The following CHN2 variants were observed in gnomAD, a reference collection of about 807,000 sequenced individuals.
CHN2 encodes chimerin 2, also known as beta-chimaerin.
A neutral mutation model predicts 56.3 loss-of-function variants in CHN2; 35 were observed. That is an observed-to-expected ratio of 0.62 (90% confidence interval 0.47 to 0.82). The LOEUF is 0.82. CHN2 is among the 40% of genes least tolerant of loss of function. The probability of loss-of-function intolerance (pLI) is 0.00; values close to 1 mark genes in which losing one functional copy is unlikely to be tolerated. For synonymous variants in CHN2, 210 were observed against 212.8 expected (o/e 0.99, Z 0.12); for missense variants, 491 against 580.5 (o/e 0.85, Z 1.58).
At chr7:29,275,887 G>A (rs1338907879) in intron 1 of CHN2, among the ~76,000 whole-genome samples, 3 of 152,164 alleles carry the variant, frequency 2.0e-5, no homozygotes, top group South Asian at 4.1e-4. Flanking sequence ...GTTGTGCTCT[G>A]CAGGTGACAG....
intron 1 of CHN2, among the ~76,000 whole-genome samples, chr7:29,325,015 C>A (rs1185032991): frequency 6.6e-6 from 1 of 152,192 alleles, no homozygotes; most frequent in Admixed American, 6.5e-5. Flanking sequence ...TTGTCTGCTT[C>A]ATTTTCTCTG....
At chr7:29,297,782 C>T (rs545230355) in intron 1 of CHN2, among the ~76,000 whole-genome samples, 11 of 151,788 alleles carry the variant, frequency 7.2e-5, no homozygotes, top group Non-Finnish European at 1.5e-4. Flanking sequence ...GGAGGATGCA[C>T]CCGAGGGGAA....
At chr7:29,249,294 G>A (rs1359298181) in intron 1 of CHN2, among the ~76,000 whole-genome samples, 1 of 152,150 alleles carries the variant, frequency 6.6e-6, no homozygotes, top group African/African-American at 2.4e-5. Flanking sequence ...TGTAAGTTCC[G>A]GAGTCCAAAA....
rs544890485 is a variant in CHN2, at chr7:29,269,707, C to T, written c.49+74717C>T. Among the ~76,000 whole-genome samples, 76 of 152,292 alleles carry T rather than the reference C, an allele frequency of 5.0e-4. 1 individual carries two copies. In the South Asian group the frequency reaches 0.011, roughly 21 times the overall value. The stretch of plus-strand genomic sequence containing the variant: ...AACTTTAGCATTTTAATCTTAAATT[C>T]TTTAGCAACCAGTTCATAAGAGGAG... On this transcript the variant is annotated intron_variant, in intron 1 of 12. Transcript: ENST00000222792.
chr7:29,298,271 T>G (rs966428759), intron 1 of CHN2, among the ~76,000 whole-genome samples: 2 of 152,216 alleles, frequency 1.3e-5, no homozygotes, highest in African/African-American at 4.8e-5. Context: ...TGCTCACTTG[T>G]GCTCTGTTAA....
chr7:29,309,850 G>A (rs1254231958), intron 1 of CHN2, among the ~76,000 whole-genome samples: 3 of 152,240 alleles, frequency 2.0e-5, no homozygotes, highest in Non-Finnish European at 4.4e-5. Flanking sequence ...GAGACCTCGC[G>A]GGCTCATGGG....
chr7:29,213,252 G>A, intron 1 of CHN2: 1 of 972,762 alleles, frequency 1.0e-6, no homozygotes. Flanking sequence ...TTTCACTCTG[G>A]GTAGTGGCTG....
intron 2 of CHN2, among the ~76,000 whole-genome samples, chr7:29,356,467 C>T (rs990457071): frequency 2.0e-5 from 3 of 152,216 alleles, no homozygotes; most frequent in African/African-American, 7.2e-5. Context: ...TTCCAGTCCA[C>T]TCTCTCCTTT....
At chr7:29,249,602 G>A (rs1257059502) in intron 1 of CHN2, among the ~76,000 whole-genome samples, 2 of 152,202 alleles carry the variant, frequency 1.3e-5, no homozygotes, top group African/African-American at 4.8e-5. Context: ...AACCCGCTAG[G>A]TTGTCCTGCG....
chr7:29,219,947 C>T (rs949834062), intron 1 of CHN2, among the ~76,000 whole-genome samples: 3 of 152,052 alleles, frequency 2.0e-5, no homozygotes, highest in African/African-American at 4.8e-5. Flanking sequence ...TGGTGGCACA[C>T]GCCTATAGTC....
At chr7:29,155,585 C>T (rs1411056654) in intron 2 of CHN2, among the ~76,000 whole-genome samples, 1 of 152,198 alleles carries the variant, frequency 6.6e-6, no homozygotes, top group Non-Finnish European at 1.5e-5. Flanking sequence ...CTCTCTGACA[C>T]CAAAACTGCC....
intron 1 of CHN2, among the ~76,000 whole-genome samples, chr7:29,245,069 T>C (rs1284869618): frequency 6.6e-6 from 1 of 152,226 alleles, no homozygotes; most frequent in African/African-American, 2.4e-5. Context: ...GTAAGGTCTC[T>C]ACCTGCAATG....
At chr7:29,195,170 C>T in intron 1 of CHN2, 180 bp downstream of exon 1, 1 of 541,448 alleles carries the variant, frequency 1.8e-6, no homozygotes, top group Non-Finnish European at 3.1e-6. Context: ...AGAGCACCTC[C>T]GCGCCTGACA....
intron 1 of CHN2, among the ~76,000 whole-genome samples, chr7:29,293,362 G>GCCC (rs35565281): frequency 5.6e-5 from 3 of 53,134 alleles, no homozygotes; most frequent in East Asian, 1.8e-3. Flanking sequence ...GGCAGCTAAT[G>GCCC]CCCCCCCCCC....
intron 2 of CHN2, among the ~76,000 whole-genome samples, chr7:29,362,097 G>A (rs1216686957): frequency 6.6e-6 from 1 of 152,232 alleles, no homozygotes; most frequent in Non-Finnish European, 1.5e-5. Context: ...AGTAAGCAAT[G>A]CCAGAGATGG....
intron 1 of CHN2, among the ~76,000 whole-genome samples, chr7:29,324,675 G>C (rs768655466): frequency 5.3e-5 from 8 of 151,074 alleles, no homozygotes; most frequent in Non-Finnish European, 8.8e-5. Flanking sequence ...ATTGAATTTG[G>C]TGCCAAGCTA....
intron 1 of CHN2, among the ~76,000 whole-genome samples, chr7:29,320,069 C>T (rs952525158): frequency 5.3e-5 from 8 of 152,186 alleles, no homozygotes; most frequent in African/African-American, 1.4e-4. Context: ...CTGAATCCTT[C>T]CAGTCTCCCT....
chr7:29,490,768 T>C (rs1017144501), intron 7 of CHN2, among the ~76,000 whole-genome samples: 2 of 152,200 alleles, frequency 1.3e-5, no homozygotes, highest in African/African-American at 4.8e-5. Flanking sequence ...GGCTCTCTAT[T>C]TGAAATGTTA....
chr7:29,351,590 C>T (rs933344658), intron 1 of CHN2, among the ~76,000 whole-genome samples: 5 of 152,198 alleles, frequency 3.3e-5, no homozygotes, highest in African/African-American at 9.7e-5. Context: ...TGACATCAAG[C>T]TGAGCCCTAT....
Sources: allele counts gnomAD v4.1 joint callset (sites outside exome capture counted in the v4.1 genomes callset), GRCh38; gene constraint gnomAD v4.1.1; transcripts MANE v1.5; gene names NCBI Gene and HGNC (gene_info 2026-07-23, HGNC 2026-07-21).